Variants in MORC1 observed in about 807,000 individuals in gnomAD.
MORC1 encodes MORC family CW-type zinc finger 1.
A neutral mutation model predicts 134.9 loss-of-function variants in MORC1; 59 were observed. The observed-to-expected ratio is 0.44, with a 90% confidence interval of 0.35 to 0.54. MORC1 has a LOEUF of 0.54. Among genes scored for constraint, MORC1 ranks in the 20% least tolerant of loss-of-function variants. The pLI is 0.00. For missense variants in MORC1, 947 were observed against 1,134.5 expected (o/e 0.83, Z 2.37); for synonymous variants, 395 against 391.7 (o/e 1.01, Z -0.10).
intron 12 of MORC1, among the ~76,000 whole-genome samples, chr3:109,058,034 T>A (rs970736503): frequency 2.0e-5 from 3 of 152,210 alleles, no homozygotes; most frequent in Admixed American, 2.0e-4. Context: ...CTGACTGACC[T>A]TCTATATTAT....
At chr3:109,051,894 C>CGA (rs1417439927) in intron 14 of MORC1, among the ~76,000 whole-genome samples, 1 of 151,820 alleles carries the variant, frequency 6.6e-6, no homozygotes, top group East Asian at 1.9e-4. Flanking sequence ...AAAGGGGCTT[C>CGA]GAGAGAGCTC....
At chr3:109,113,271 G>A (rs892316070) in intron 2 of MORC1, among the ~76,000 whole-genome samples, 15 of 152,112 alleles carry the variant, frequency 9.9e-5, no homozygotes, top group African/African-American at 2.7e-4. Context: ...CTGAGTTCAT[G>A]GCTCTGAACA....
intron 8 of MORC1, among the ~76,000 whole-genome samples, chr3:109,081,998 C>T (rs1950529078): frequency 6.6e-6 from 1 of 152,010 alleles, no homozygotes. Flanking sequence ...CTGTCCTCAG[C>T]CCTGGAAACT....
At chr3:108,969,990 G>A (rs1021645727) in intron 25 of MORC1, among the ~76,000 whole-genome samples, 2 of 152,188 alleles carry the variant, frequency 1.3e-5, no homozygotes, top group Non-Finnish European at 2.9e-5. Flanking sequence ...TCAAGGTGAA[G>A]GAAAATTAAG....
intron 14 of MORC1, among the ~76,000 whole-genome samples, chr3:109,052,172 GT>G (rs1028928714): frequency 6.6e-6 from 1 of 152,022 alleles, no homozygotes; most frequent in Non-Finnish European, 1.5e-5. Context: ...CTATGTTTAT[GT>G]TGATATTTAT....
At chr3:109,035,263 C>G in intron 15 of MORC1, 77 bp downstream of exon 15, 1 of 1,336,248 alleles carries the variant, frequency 7.5e-7, no homozygotes, top group Non-Finnish European at 1.0e-6. Flanking sequence ...CTCCCTCATC[C>G]CTCATTTCTT....
rs115904171 is a variant in MORC1, at chr3:109,077,949, T to C, written c.690-8192A>G. Reference sequence around the variant, plus strand: ...AAAATGTTAACCAAGAAAAAGCAAGTCTAGAGAGATTAATATTAGACAAAA... The same window carrying C: ...AAAATGTTAACCAAGAAAAAGCAAGCCTAGAGAGATTAATATTAGACAAAA... On this transcript the variant is annotated intron_variant, in intron 8 of 27. Transcript: ENST00000232603. Among the ~76,000 whole-genome samples, 779 of 151,866 alleles carry C rather than the reference T, an allele frequency of 5.1e-3. 18 individuals carry two copies. Among genetic ancestry groups the C allele is most frequent in the African/African-American group, 0.018 (747 of 41,436 alleles).
chr3:108,961,823 T>C (rs1947088554), intron 27 of MORC1, among the ~76,000 whole-genome samples: 1 of 152,248 alleles, frequency 6.6e-6, no homozygotes. Flanking sequence ...TAAACGATTA[T>C]TCTTTCAGTT....
At chr3:109,003,794 A>C (rs893323832) in intron 20 of MORC1, among the ~76,000 whole-genome samples, 1 of 152,222 alleles carries the variant, frequency 6.6e-6, no homozygotes, top group Non-Finnish European at 1.5e-5. Flanking sequence ...AGATTTGGGC[A>C]AAAATTTCAA....
At chr3:109,063,067 G>T in intron 10 of MORC1, 85 bp downstream of exon 10, 1 of 997,256 alleles carries the variant, frequency 1.0e-6, no homozygotes, top group Non-Finnish European at 1.5e-6. Flanking sequence ...AATGCCTAGA[G>T]CAATGTATGT....
chr3:109,072,634 G>A (rs976506663), intron 8 of MORC1, among the ~76,000 whole-genome samples: 4 of 152,094 alleles, frequency 2.6e-5, no homozygotes, highest in African/African-American at 9.7e-5. Flanking sequence ...ATCTTCAATG[G>A]CAATGCTACC....
chr3:109,074,469 A>G (rs1950380197), intron 8 of MORC1, among the ~76,000 whole-genome samples: 1 of 152,214 alleles, frequency 6.6e-6, no homozygotes, highest in Non-Finnish European at 1.5e-5. Context: ...ATCAAGAAAG[A>G]TGATATAAGG....
intron 2 of MORC1, among the ~76,000 whole-genome samples, chr3:109,113,960 C>T (rs1051532395): frequency 2.0e-5 from 3 of 151,752 alleles, no homozygotes; most frequent in Non-Finnish European, 2.9e-5. Flanking sequence ...TGACATAATG[C>T]TCATATATAA....
At chr3:108,969,537 TTAATC>T (rs745802251) in intron 26 of MORC1, 127 bp downstream of exon 26, 8 of 831,984 alleles carry the variant, frequency 9.6e-6, no homozygotes, top group Non-Finnish European at 1.6e-5. Flanking sequence ...AAGCTATACA[TTAATC>T]TAAGTCTCGA....
chr3:109,000,674 A>G lies in MORC1; in HGVS notation c.2086-16T>C, dbSNP rs188831597. 6.3e-5 allele frequency: 100 copies of G among 1,588,044 alleles called. 1 individual carries two copies. In the Middle Eastern group the frequency reaches 2.7e-3, roughly 42 times the overall value. On this transcript the variant is annotated splice_polypyrimidine_tract_variant and intron_variant, in intron 20 of 27. Coordinates refer to ENST00000232603, the MANE Select transcript of MORC1 (RefSeq NM_014429.4). Reference sequence around the variant, plus strand: ...AAGAAGCGGCCTATAACAAGGAATTAACAAAAAAAATACAAGGATTAGTGG... The same window carrying G: ...AAGAAGCGGCCTATAACAAGGAATTGACAAAAAAAATACAAGGATTAGTGG...
At chr3:108,975,431 T>A (rs1020959503) in intron 24 of MORC1, among the ~76,000 whole-genome samples, 1 of 152,172 alleles carries the variant, frequency 6.6e-6, no homozygotes, top group African/African-American at 2.4e-5. Context: ...AAAAAGCATG[T>A]TTATATTTTA....
intron 17 of MORC1, among the ~76,000 whole-genome samples, chr3:109,012,149 T>A (rs565204152): frequency 6.6e-6 from 1 of 151,108 alleles, no homozygotes; most frequent in African/African-American, 2.5e-5. Context: ...CAATGTTTGT[T>A]ATTTTGGGGG....
At chr3:108,963,080 C>T (rs1289202610) in intron 27 of MORC1, among the ~76,000 whole-genome samples, 1 of 151,284 alleles carries the variant, frequency 6.6e-6, no homozygotes, top group Non-Finnish European at 1.5e-5. Context: ...TCCAGCTACT[C>T]GGAAGGCTGA....
At chr3:109,115,328 A>AACACACACAC (rs58831825) in intron 1 of MORC1, among the ~76,000 whole-genome samples, 1 of 148,662 alleles carries the variant, frequency 6.7e-6, no homozygotes. Context: ...GTATTTTTAA[A>AACACACACAC]ACACACACAC....
Sources: allele counts gnomAD v4.1 joint callset (sites outside exome capture counted in the v4.1 genomes callset), GRCh38; gene constraint gnomAD v4.1.1; transcripts MANE v1.5; gene names NCBI Gene and HGNC (gene_info 2026-07-23, HGNC 2026-07-21).